Variants in KCNQ2 observed in about 807,000 individuals in gnomAD.
KCNQ2 encodes the protein potassium voltage-gated channel subfamily KQT member 2.
In KCNQ2, 14 loss-of-function variants were observed where a neutral mutation model predicts 84.8. The observed-to-expected ratio is 0.17, with a 90% CI of 0.11 to 0.26. KCNQ2 has a LOEUF of 0.26. KCNQ2 is among the 10% of genes least tolerant of loss of function. The pLI, the probability that KCNQ2 is intolerant of heterozygous loss-of-function variation, is 1.00. For missense variants in KCNQ2, 788 were observed against 1,254.0 expected, an observed-to-expected ratio of 0.63 and a Z score of 5.61; for synonymous variants, 599 against 554.1, an observed-to-expected ratio of 1.08 and a Z score of -1.14.
chr20:63,423,044 T>C (rs2080521890), intron 11 of KCNQ2, among the ~76,000 whole-genome samples: 1 of 152,178 alleles, frequency 6.6e-6, no homozygotes, highest in Non-Finnish European at 1.5e-5. Flanking sequence ...GTGGCAGCAC[T>C]GGGGGCTGGC....
At chr20:63,436,310 T>C (rs1490961257) in intron 7 of KCNQ2, among the ~76,000 whole-genome samples, 1 of 152,170 alleles carries the variant, frequency 6.6e-6, no homozygotes, top group Non-Finnish European at 1.5e-5. Flanking sequence ...GGCGGGAGGA[T>C]CACGAAGTCA....
At position 63,446,639 on chromosome 20, in the gene KCNQ2, G is replaced by T. The variant is rs1322339529; in HGVS notation, c.387+108C>A. Reference sequence around the variant, plus strand: ...GGCACAAAGACATGGCCAGAGCTGGGGCTGGGGGCGTCAGAGGCCCTGTAG... The same window carrying T: ...GGCACAAAGACATGGCCAGAGCTGGTGCTGGGGGCGTCAGAGGCCCTGTAG... On this transcript the variant is annotated intron_variant, in intron 2 of 16. Transcript: ENST00000359125. The surrounding 1 kb of genome is among the most constrained non-coding windows in gnomAD (Gnocchi z 5.5). 2.2e-6 allele frequency: 2 copies of T among 911,342 alleles called. No homozygotes were observed. Among genetic ancestry groups the T allele is most frequent in the Admixed American group, 3.7e-5 (2 of 54,720 alleles). The allele number at this position is 911,342 out of a possible 1,614,324, so 56.5% of individuals were successfully genotyped here. A position where few individuals can be genotyped will look rare whatever the true frequency, so the allele number is the denominator to read the frequency against.
intron 1 of KCNQ2, among the ~76,000 whole-genome samples, chr20:63,453,932 C>T (rs1383512431): frequency 6.6e-6 from 1 of 152,074 alleles, no homozygotes; most frequent in East Asian, 1.9e-4. Flanking sequence ...GTGCCGCATC[C>T]AGGAAGGCAG....
chr20:63,421,288 G>A (rs1171242363), intron 11 of KCNQ2, among the ~76,000 whole-genome samples: 3 of 133,246 alleles, frequency 2.3e-5, no homozygotes, highest in Non-Finnish European at 3.5e-5. Context: ...CCTGAGACTC[G>A]AGAGTGAATC....
In KCNQ2 at chr20:63,438,782, C is replaced by T; in HGVS notation, c.928-62G>A. On this transcript the variant is annotated intron_variant, in intron 6 of 16. Transcript: ENST00000359125. This position sits in a 1 kb window ranked among gnomAD's most constrained non-coding sequence, Gnocchi z 5.1. Reference sequence around the variant, plus strand: ...CCCCCACACCCCAATTCATCAGGGTCAGACCATGCTCTGGGGCCCCACACC... The same window carrying T: ...CCCCCACACCCCAATTCATCAGGGTTAGACCATGCTCTGGGGCCCCACACC... The T allele has an allele frequency of 6.7e-7, 1 of 1,488,780 alleles. No homozygotes were observed. The highest frequency in any genetic ancestry group is 9.3e-7 in the Non-Finnish European group (1 of 1,076,612). The allele number at this position is 1,488,780 out of a possible 1,614,324, so 92.2% of individuals were successfully genotyped here. A position where few individuals can be genotyped will look rare whatever the true frequency, so the allele number is the denominator to read the frequency against.
Position 63,406,337 on chromosome 20 carries a change from C to A in KCNQ2, c.*307G>T. On this transcript the variant is annotated 3_prime_UTR_variant, in exon 17 of 17. Coordinates refer to ENST00000359125, the MANE Select transcript of KCNQ2 (RefSeq NM_172107.4). Reference sequence around the variant, plus strand: ...GCAACACCCCGTCATCACTCCCGCCCCTCCTCACACCGGGCTGATGTCGGC... The same window carrying A: ...GCAACACCCCGTCATCACTCCCGCCACTCCTCACACCGGGCTGATGTCGGC... The A allele has an allele frequency of 2.6e-6, 1 of 387,952 alleles. No homozygotes were observed. The highest frequency in any genetic ancestry group is 4.7e-6 in the Non-Finnish European group (1 of 211,872). The allele number at this position is 387,952 out of a possible 1,614,324, so 24.0% of individuals were successfully genotyped here.
At chr20:63,459,109 G>A (rs746005855) in intron 1 of KCNQ2, 15 of 152,280 alleles carry the variant, frequency 9.9e-5, no homozygotes, top group Non-Finnish European at 1.5e-4. Context: ...GCGGCCCCCA[G>A]ACACGGAGAG....
intron 8 of KCNQ2, among the ~76,000 whole-genome samples, chr20:63,431,761 C>A (rs946855998): frequency 3.9e-5 from 6 of 152,200 alleles, no homozygotes; most frequent in Non-Finnish European, 2.9e-5. Context: ...TGCCGCGGGT[C>A]TGTCCACCCT....
chr20:63,466,798 G>A (rs1435790251), intron 1 of KCNQ2: 1 of 152,434 alleles, frequency 6.6e-6, no homozygotes, highest in Non-Finnish European at 1.5e-5. Flanking sequence ...GTCACGCAGG[G>A]TCTTCACAGG....
In KCNQ2 at chr20:63,446,532, T is replaced by C. The variant is rs879247949; in HGVS notation, c.387+215A>G. Among the ~76,000 whole-genome samples the C allele has an allele frequency of 6.6e-6, 1 of 150,814 alleles. No homozygotes were observed. The highest frequency in any genetic ancestry group is 2.4e-5 in the African/African-American group (1 of 40,996). The stretch of plus-strand genomic sequence containing the variant: ...GCCACTGTGAGGTCACCAGGAGGGG[T>C]GAGGTGAGGGCTGAGTTACAGCCAG... On this transcript the variant is annotated intron_variant, in intron 2 of 16. Coordinates refer to ENST00000359125, the MANE Select transcript of KCNQ2 (RefSeq NM_172107.4). The surrounding 1 kb of genome is among the most constrained non-coding windows in gnomAD (Gnocchi z 5.5).
At chr20:63,472,101 G>A (rs2082230532) in intron 1 of KCNQ2, 67 bp downstream of exon 1, 2 of 1,220,480 alleles carry the variant, frequency 1.6e-6, no homozygotes, top group Non-Finnish European at 1.1e-6. Context: ...CCTGGCCGGG[G>A]TCGCCGATGG....
intron 10 of KCNQ2, among the ~76,000 whole-genome samples, chr20:63,427,464 T>G (rs1049230390): frequency 6.6e-6 from 1 of 152,252 alleles, no homozygotes; most frequent in Non-Finnish European, 1.5e-5. Context: ...TGTAACTAAG[T>G]GCCGCTGGAG....
chr20:63,413,442 G>A lies in KCNQ2; in HGVS notation c.1763+8C>T, dbSNP rs1263032360. 1.1e-5 allele frequency: 17 copies of A among 1,612,834 alleles called. No individual in the cohort carries two copies. The highest frequency in any genetic ancestry group is 5.0e-5 in the Admixed American group (3 of 60,008). ...GTCCCCTGCTGGACAGGCAGGCGGG[G>A]CTCTTGCCTGGACTGCAGGCTCTTA... is the stretch of plus-strand genomic sequence containing the variant. On this transcript the variant is annotated splice_region_variant and intron_variant, in intron 15 of 16. Coordinates refer to ENST00000359125, the MANE Select transcript of KCNQ2 (RefSeq NM_172107.4).
At chr20:63,440,748 C>T (rs948367633) in intron 5 of KCNQ2, among the ~76,000 whole-genome samples, 3 of 152,132 alleles carry the variant, frequency 2.0e-5, no homozygotes, top group Non-Finnish European at 4.4e-5. Context: ...TGCTCCACAC[C>T]GACAGGAAGC....
At position 63,413,240 on chromosome 20, in the gene KCNQ2, G is replaced by A. The variant is rs574666067; in HGVS notation, c.1763+210C>T. Reference sequence around the variant, plus strand: ...ACACAGGTGCACGCACTTGCCCACCGCGGTGTGGATGGGGGAGAGATGGGA... The same window carrying A: ...ACACAGGTGCACGCACTTGCCCACCACGGTGTGGATGGGGGAGAGATGGGA... On this transcript the variant is annotated intron_variant, in intron 15 of 16. Transcript: ENST00000359125. 19 of 602,644 alleles carry A rather than the reference G, an allele frequency of 3.2e-5. No individual in the cohort carries two copies. In the Admixed American group the frequency reaches 4.8e-4, roughly 15 times the overall value. 37.3% of individuals were successfully genotyped at this position (602,644 alleles called of 1,614,324 possible). A position where few individuals can be genotyped will look rare whatever the true frequency, so the allele number is the denominator to read the frequency against.
chr20:63,443,989 G>A (rs1177228306), intron 4 of KCNQ2, among the ~76,000 whole-genome samples: 2 of 152,364 alleles, frequency 1.3e-5, no homozygotes, highest in East Asian at 1.9e-4. Context: ...GCCCACTGCA[G>A]TCAGCACTCA....
intron 1 of KCNQ2, among the ~76,000 whole-genome samples, chr20:63,461,889 T>G (rs1394456071): frequency 8.4e-6 from 1 of 118,728 alleles, no homozygotes; most frequent in Non-Finnish European, 1.7e-5. Flanking sequence ...GGGAGGAGGC[T>G]GCACCTACCC....
chr20:63,414,037 C>T lies in KCNQ2; in HGVS notation c.1631+51G>A, dbSNP rs1281769140. On this transcript the variant is annotated intron_variant, in intron 14 of 16. Coordinates refer to ENST00000359125, the MANE Select transcript of KCNQ2 (RefSeq NM_172107.4). This position sits in a 1 kb window ranked among gnomAD's most constrained non-coding sequence, Gnocchi z 6.6. ...ACCGGCAGCAGGCAGGACCACCGAG[C>T]GGGAGGCCCCTCCTCACTCCCCCAG... 4.4e-6 allele frequency: 6 copies of T among 1,369,702 alleles called. No individual in the cohort carries two copies. The highest frequency in any genetic ancestry group is 1.4e-5 in the African/African-American group (1 of 70,244). The allele number at this position is 1,369,702 out of a possible 1,614,324, so 84.8% of individuals were successfully genotyped here.
chr20:63,444,524 A>G, intron 4 of KCNQ2, 135 bp downstream of exon 4: 1 of 630,096 alleles, frequency 1.6e-6, no homozygotes. Context: ...GATGGGCTCC[A>G]GCCAGAGCCA....
Sources: allele counts gnomAD v4.1 joint callset (sites outside exome capture counted in the v4.1 genomes callset), GRCh38; gene constraint gnomAD v4.1.1; non-coding constraint Gnocchi (gnomAD v3.1); transcripts MANE v1.5; gene names NCBI Gene and HGNC (gene_info 2026-07-23, HGNC 2026-07-21).